The following ABHD2 variants were observed in gnomAD, a reference collection of about 807,000 sequenced individuals.
ABHD2 encodes monoacylglycerol lipase ABHD2.
A neutral mutation model predicts 48.1 loss-of-function variants in ABHD2; 20 were observed. That is an observed-to-expected ratio of 0.42 (90% CI 0.29 to 0.60). The LOEUF is 0.60. ABHD2 is among the 20% of genes least tolerant of loss of function. The pLI, the probability that ABHD2 is intolerant of heterozygous loss-of-function variation, is 0.24. For synonymous variants in ABHD2, 209 were observed against 214.2 expected, an observed-to-expected ratio of 0.98 and a Z score of 0.21; for missense variants, 405 against 550.9, an observed-to-expected ratio of 0.74 and a Z score of 2.65.
chr15:89,118,158 A>T (rs1433237134), intron 3 of ABHD2, among the ~76,000 whole-genome samples: 1 of 151,992 alleles, frequency 6.6e-6, no homozygotes, highest in Non-Finnish European at 1.5e-5. Flanking sequence ...AGTATTTGTC[A>T]TAGTCATATT....
In ABHD2 at chr15:89,188,891, A is replaced by G. The variant is rs1315778358; in HGVS notation, c.926+588A>G. Among the ~76,000 whole-genome samples, 1 of 151,866 alleles carries G rather than the reference A, an allele frequency of 6.6e-6. No individual in the cohort carries two copies. Among genetic ancestry groups the G allele is most frequent in the East Asian group, 1.9e-4 (1 of 5,186 alleles). ...AAGACCCTTCTCAAAATTAAAAAAA[A>G]AAAAAAAGAAGTAGAAAAACAGAAG... On this transcript the variant is annotated intron_variant, in intron 8 of 10. Transcript: ENST00000352732. This position sits in a 1 kb window ranked among gnomAD's most constrained non-coding sequence, Gnocchi z 4.1.
chr15:89,130,723 A>G (rs1438075958), intron 3 of ABHD2, among the ~76,000 whole-genome samples: 4 of 151,988 alleles, frequency 2.6e-5, no homozygotes, highest in African/African-American at 9.7e-5. Context: ...AAATTCATAA[A>G]CTTTCTTAAA....
At chr15:89,180,298 C>T (rs2051087209) in intron 6 of ABHD2, among the ~76,000 whole-genome samples, 2 of 151,550 alleles carry the variant, frequency 1.3e-5, no homozygotes, top group Non-Finnish European at 2.9e-5. Context: ...TTTTTTTTAT[C>T]AGTATAATGA....
chr15:89,078,282 C>A, the ABHD2 span, among the ~76,000 whole-genome samples: 4 of 152,190 alleles, frequency 2.6e-5, no homozygotes, highest in African/African-American at 9.6e-5. Context: ...TTTCTCTGAA[C>A]ATTGCCTCCA....
At chr15:89,124,335 G>A (rs1461367827) in intron 3 of ABHD2, among the ~76,000 whole-genome samples, 1 of 152,152 alleles carries the variant, frequency 6.6e-6, no homozygotes, top group South Asian at 2.1e-4. Context: ...GCTTTGAGAT[G>A]GACAGTTGTT....
chr15:89,188,063 G>T lies in ABHD2; in HGVS notation c.816-130G>T. The T allele has an allele frequency of 1.5e-6, 1 of 685,984 alleles. No homozygotes were observed. The allele number at this position is 685,984 out of a possible 1,614,324, so 42.5% of individuals were successfully genotyped here. ...AGCTCATCCTCTGGGACATTCCAAA[G>T]GCTAAAGGTTCTATTTCTAACTGAC... On this transcript the variant is annotated intron_variant, in intron 7 of 10. Transcript: ENST00000352732. The surrounding 1 kb of genome is among the most constrained non-coding windows in gnomAD (Gnocchi z 4.1).
In ABHD2 at chr15:89,179,800, T is replaced by G. The variant is rs992097415; in HGVS notation, c.722+3805T>G. Among the ~76,000 whole-genome samples the G allele has an allele frequency of 1.3e-5, 2 of 152,112 alleles. No homozygotes were observed. Among genetic ancestry groups the G allele is most frequent in the Admixed American group, 1.3e-4 (2 of 15,282 alleles). On this transcript the variant is annotated intron_variant, in intron 6 of 10. Transcript: ENST00000352732. This position sits in a 1 kb window ranked among gnomAD's most constrained non-coding sequence, Gnocchi z 4.3. ...GTTTCAAATCTCCTTAAAGGCACATTATACTCCGGGCTAAGTGGATGTGTT... is the reference window on the plus strand; with the variant it reads ...GTTTCAAATCTCCTTAAAGGCACATGATACTCCGGGCTAAGTGGATGTGTT...
chr15:89,169,422 G>GAT (rs1203345712), intron 5 of ABHD2, among the ~76,000 whole-genome samples: 4 of 152,198 alleles, frequency 2.6e-5, no homozygotes, highest in African/African-American at 9.7e-5. Context: ...AGGTAACACT[G>GAT]ATTGAGTGCC....
the ABHD2 span, among the ~76,000 whole-genome samples, chr15:89,050,462 G>A: frequency 6.6e-6 from 1 of 151,854 alleles, no homozygotes; most frequent in East Asian, 1.9e-4. Context: ...AAGAACCGGG[G>A]TTAAGTTCCC....
chr15:89,148,283 A>C (rs946176817), intron 3 of ABHD2, among the ~76,000 whole-genome samples: 4 of 152,322 alleles, frequency 2.6e-5, no homozygotes, highest in Middle Eastern at 6.8e-3. Flanking sequence ...CAGACAGTTC[A>C]CAGAAGAGAA....
rs371866410 is a variant in ABHD2, at chr15:89,122,032, G to A, written c.194+5511G>A. On this transcript the variant is annotated intron_variant, in intron 3 of 10. Coordinates refer to ENST00000352732, the MANE Select transcript of ABHD2 (RefSeq NM_152924.5). ...TTTTATAGAGACAGAGCCCCATTAT[G>A]TTGCCCAGTCTGGTCTCAAACTCCT... 3.3e-5 allele frequency among the ~76,000 whole-genome samples: 5 copies of A among 152,216 alleles called. No homozygotes were observed. The South Asian group carries it at 8.3e-4, about 25-fold the overall frequency.
At chr15:89,059,757 A>G in the ABHD2 span, among the ~76,000 whole-genome samples, 10 of 152,156 alleles carry the variant, frequency 6.6e-5, no homozygotes, top group African/African-American at 2.4e-4. Context: ...TCTGCCACCA[A>G]GGAAGTCCAC....
At chr15:89,055,657 T>C in the ABHD2 span, among the ~76,000 whole-genome samples, 1 of 152,056 alleles carries the variant, frequency 6.6e-6, no homozygotes, top group Admixed American at 6.6e-5. Context: ...CACAATATTA[T>C]TGATAATAGC....
chr15:89,145,865 C>T (rs2050483221), intron 3 of ABHD2, among the ~76,000 whole-genome samples: 1 of 152,202 alleles, frequency 6.6e-6, no homozygotes, highest in Non-Finnish European at 1.5e-5. Context: ...CCTCATTTCA[C>T]GCCTGGTTCT....
chr15:89,051,214 C>G, the ABHD2 span, among the ~76,000 whole-genome samples: 38,837 of 152,054 alleles, frequency 0.26, 5,112 homozygotes, highest in African/African-American at 0.3. Context: ...GCCTGGGTGA[C>G]AAGAGTGAAA....
chr15:89,083,501 T>C (rs1901312040), upstream of ABHD2, among the ~76,000 whole-genome samples: 1 of 152,220 alleles, frequency 6.6e-6, no homozygotes, highest in South Asian at 2.1e-4. The surrounding 1 kb of genome is among the most constrained non-coding windows in gnomAD (Gnocchi z 5.1). Context: ...CGTGCGTGTA[T>C]GTGTGTTTGT....
intron 3 of ABHD2, among the ~76,000 whole-genome samples, chr15:89,139,688 T>G (rs567605191): frequency 6.6e-6 from 1 of 152,194 alleles, no homozygotes; most frequent in Non-Finnish European, 1.5e-5. Flanking sequence ...ACAAATCTGT[T>G]TGTCAGAGTA....
In ABHD2 at chr15:89,175,862, C is replaced by T; in HGVS notation, c.589C>T (p.Pro197Ser). 6.2e-7 allele frequency: 1 copy of T among 1,614,118 alleles called. No individual in the cohort carries two copies. The highest frequency in any genetic ancestry group is 1.1e-5 in the South Asian group (1 of 91,070). The change falls in exon 6 of 11, where the codon CCC becomes TCC. Residue 197 changes from proline (P) to serine (S), a missense_variant. Coordinates refer to ENST00000352732, the MANE Select transcript of ABHD2 (RefSeq NM_152924.5). The surrounding 1 kb of genome is among the most constrained non-coding windows in gnomAD (Gnocchi z 5.7). ...AMVNYIKKTY[P>S]LTQLVVVGFS... ...GGTGAACTACATCAAGAAGACATAT[C>T]CCCTGACCCAGCTGGTCGTCGTGGG...
At chr15:89,057,956 G>T in the ABHD2 span, among the ~76,000 whole-genome samples, 3 of 152,088 alleles carry the variant, frequency 2.0e-5, no homozygotes, top group African/African-American at 7.2e-5. Flanking sequence ...CCCAGGACTA[G>T]GACTCCCTAG....
Sources: allele counts gnomAD v4.1 joint callset (sites outside exome capture counted in the v4.1 genomes callset), GRCh38; gene constraint gnomAD v4.1.1; non-coding constraint Gnocchi (gnomAD v3.1); transcripts MANE v1.5; gene names NCBI Gene and HGNC (gene_info 2026-07-23, HGNC 2026-07-21).